The following SYN3 variants were observed in gnomAD, a reference collection of about 807,000 sequenced individuals.
The protein encoded by SYN3 is synapsin-3.
In SYN3, 35 loss-of-function variants were observed where a neutral mutation model predicts 65.8. The ratio of observed to expected loss-of-function variants is 0.53; its 90% CI spans 0.41 to 0.70. The LOEUF is 0.70. Among genes scored for constraint, SYN3 ranks in the 30% least tolerant of loss-of-function variants. The pLI is 0.00. For synonymous variants in SYN3, 270 were observed against 292.9 expected, an observed-to-expected ratio of 0.92 and a Z score of 0.80; for missense variants, 680 against 749.0, an observed-to-expected ratio of 0.91 and a Z score of 1.08.
intron 4 of SYN3, among the ~76,000 whole-genome samples, chr22:32,926,350 A>G (rs1484518378): frequency 6.6e-6 from 1 of 152,220 alleles, no homozygotes; most frequent in Non-Finnish European, 1.5e-5. Context: ...ATTTAGCATT[A>G]TTCTCCTAAT....
chr22:32,654,156 G>C (rs910000170), intron 6 of SYN3, among the ~76,000 whole-genome samples: 3 of 152,198 alleles, frequency 2.0e-5, no homozygotes, highest in Non-Finnish European at 4.4e-5. Flanking sequence ...AGTCGGCCCA[G>C]AGCAGCCTGG....
At chr22:32,752,183 C>G (rs1343143273) in intron 6 of SYN3, among the ~76,000 whole-genome samples, 1 of 152,204 alleles carries the variant, frequency 6.6e-6, no homozygotes, top group African/African-American at 2.4e-5. Flanking sequence ...TGAATCCTTA[C>G]TGAGGGTAAA....
At chr22:32,603,014 GC>G (rs1239573684) in intron 6 of SYN3, among the ~76,000 whole-genome samples, 1 of 149,120 alleles carries the variant, frequency 6.7e-6, no homozygotes, top group Non-Finnish European at 1.5e-5. Flanking sequence ...TCGCTCTGTC[GC>G]CCAGGCTTCT....
chr22:32,880,380 G>A (rs1307049363), intron 4 of SYN3, among the ~76,000 whole-genome samples: 1 of 152,190 alleles, frequency 6.6e-6, no homozygotes, highest in South Asian at 2.1e-4. Context: ...AGGGGAAGAA[G>A]CCAAGGAGGG....
chr22:32,547,751 A>ACCCGG (rs2058355843), intron 7 of SYN3, among the ~76,000 whole-genome samples: 2 of 152,172 alleles, frequency 1.3e-5, no homozygotes, highest in Non-Finnish European at 2.9e-5. Context: ...TCCTGTTCCA[A>ACCCGG]ATTACAAAAT....
chr22:32,856,490 C>G (rs961626273), intron 6 of SYN3, among the ~76,000 whole-genome samples: 8 of 152,076 alleles, frequency 5.3e-5, no homozygotes, highest in African/African-American at 1.9e-4. Context: ...TGTCAGCAAG[C>G]CTTCTGGGTA....
In SYN3 at chr22:32,932,426, G is replaced by C. The variant is rs374226234; in HGVS notation, c.370-945C>G. On this transcript the variant is annotated intron_variant, in intron 3 of 13. Transcript: ENST00000358763. ...TTCCCTGAGAGTTTGAAACTGATGA[G>C]TGAGTCATGCAGTTTCTTTCTAGGT... is the stretch of plus-strand genomic sequence containing the variant. 2.4e-4 allele frequency among the ~76,000 whole-genome samples: 37 copies of C among 152,268 alleles called. No homozygotes were observed. In the East Asian group the frequency reaches 2.5e-3, roughly 10 times the overall value.
chr22:32,930,006 A>G (rs2050582162), intron 4 of SYN3, among the ~76,000 whole-genome samples: 1 of 152,142 alleles, frequency 6.6e-6, no homozygotes, highest in Non-Finnish European at 1.5e-5. Flanking sequence ...CGTTGTTTTC[A>G]GGGGAAAAGC....
intron 3 of SYN3, among the ~76,000 whole-genome samples, chr22:32,943,531 T>C (rs1405692533): frequency 6.6e-6 from 1 of 152,174 alleles, no homozygotes; most frequent in Non-Finnish European, 1.5e-5. Context: ...AGGAAGAAAC[T>C]GGATCAACTA....
intron 7 of SYN3, among the ~76,000 whole-genome samples, chr22:32,554,187 C>T (rs1404171358): frequency 6.6e-6 from 1 of 152,140 alleles, no homozygotes; most frequent in Non-Finnish European, 1.5e-5. Flanking sequence ...CAAACTTGGT[C>T]CTGCCTCAGT....
At chr22:32,610,464 C>T (rs2059426965) in intron 6 of SYN3, among the ~76,000 whole-genome samples, 1 of 152,250 alleles carries the variant, frequency 6.6e-6, no homozygotes, top group East Asian at 1.9e-4. Context: ...CAATGCTCTA[C>T]TTTCTGTCTC....
chr22:32,893,220 C>G (rs1314003475), intron 4 of SYN3, among the ~76,000 whole-genome samples: 1 of 152,192 alleles, frequency 6.6e-6, no homozygotes, highest in Non-Finnish European at 1.5e-5. Flanking sequence ...TGCTCTGCCC[C>G]CCTCCCAGGA....
chr22:32,596,617 G>T, intron 7 of SYN3, 57 bp downstream of exon 7: 4 of 1,572,750 alleles, frequency 2.5e-6, no homozygotes, highest in Non-Finnish European at 3.5e-6. Context: ...AGAGGAACAG[G>T]TAGTCTGGGG....
chr22:32,588,912 G>T (rs960074531), intron 7 of SYN3, among the ~76,000 whole-genome samples: 1 of 152,336 alleles, frequency 6.6e-6, no homozygotes, highest in South Asian at 2.1e-4. Flanking sequence ...ATGCTCACCA[G>T]TACATGCCAG....
At chr22:32,561,105 CCAGT>C (rs2058580455) in intron 7 of SYN3, among the ~76,000 whole-genome samples, 3 of 152,130 alleles carry the variant, frequency 2.0e-5, no homozygotes, top group Non-Finnish European at 2.9e-5. Flanking sequence ...GTGGACAGCC[CCAGT>C]CAGACGACAG....
chr22:32,581,946 T>C (rs976333452), intron 7 of SYN3, among the ~76,000 whole-genome samples: 7 of 151,286 alleles, frequency 4.6e-5, no homozygotes, highest in African/African-American at 1.7e-4. Flanking sequence ...ACTACAGGCG[T>C]GCACCACCAA....
chr22:33,045,937 A>C (rs2054055897), intron 1 of SYN3, among the ~76,000 whole-genome samples: 1 of 152,002 alleles, frequency 6.6e-6, no homozygotes, highest in South Asian at 2.1e-4. Flanking sequence ...AAATATTTGC[A>C]AGTCACATAT....
intron 6 of SYN3, among the ~76,000 whole-genome samples, chr22:32,803,123 C>T (rs1602186683): frequency 1.3e-5 from 2 of 152,222 alleles, no homozygotes; most frequent in East Asian, 1.9e-4. Context: ...GCCCATAAAG[C>T]GTGCAAGTCC....
At chr22:33,051,680 A>C in intron 1 of SYN3, among the ~76,000 whole-genome samples, 1 of 48,716 alleles carries the variant, frequency 2.1e-5, no homozygotes, top group East Asian at 3.4e-4. Flanking sequence ...AAGGCACACA[A>C]ACAACCAAGG....
Sources: gnomAD v4.1 joint callset for allele counts (sites outside exome capture counted in the v4.1 genomes callset) on GRCh38, gnomAD v4.1.1 for gene constraint, MANE v1.5 for transcripts, NCBI Gene and HGNC (gene_info 2026-07-23, HGNC 2026-07-21) for gene names.